Variants in CLCN6 observed in about 807,000 individuals in gnomAD.
The protein encoded by CLCN6 is Cl-/H+ antiporter 6.
CLCN6 carries 70 observed loss-of-function variants against 109.8 expected under a neutral mutation model. The ratio of observed to expected loss-of-function variants is 0.64; its 90% CI spans 0.53 to 0.78. The LOEUF (loss-of-function observed/expected upper bound fraction) is 0.78, where lower values mean the gene tolerates loss of function less well. Ranked by LOEUF, CLCN6 falls within the 30% of genes least tolerant of loss-of-function variation. The pLI is 0.00. For synonymous variants in CLCN6, 444 were observed against 447.8 expected, an observed-to-expected ratio of 0.99 and a Z score of 0.11; for missense variants, 984 against 1,142.3, an observed-to-expected ratio of 0.86 and a Z score of 2.00.
intron 9 of CLCN6, 45 bp from the exon 10 acceptor site, chr1:11,827,044 G>A: frequency 1.2e-6 from 2 of 1,603,892 alleles, no homozygotes; most frequent in South Asian, 2.2e-5. Flanking sequence ...CCTTTTGGGG[G>A]CTGGGGGCTC....
At position 11,809,111 on chromosome 1, in the gene CLCN6, G is replaced by A. The variant is rs780508040; in HGVS notation, c.147+1921G>A. On this transcript the variant is annotated intron_variant, in intron 2 of 22. Transcript: ENST00000346436. ...TCCTGACCTCAGGTGATACTGCTTC[G>A]GTCTCCCAGAGTGCTGGGATTACAG... 5.3e-5 allele frequency among the ~76,000 whole-genome samples: 8 copies of A among 152,022 alleles called. No individual in the cohort carries two copies. The East Asian group carries it at 5.8e-4, about 11-fold the overall frequency.
intron 13 of CLCN6, chr1:11,830,178 T>C (rs1167890100): frequency 6.6e-6 from 1 of 152,230 alleles, no homozygotes; most frequent in Non-Finnish European, 1.5e-5. Context: ...CTCCACGCTG[T>C]GTTCTTTCGG....
intron 2 of CLCN6, among the ~76,000 whole-genome samples, chr1:11,814,513 G>T (rs920915244): frequency 2.6e-5 from 4 of 152,092 alleles, no homozygotes; most frequent in African/African-American, 9.7e-5. Flanking sequence ...CTCCCAAAGT[G>T]CTGGGATTAC....
At chr1:11,808,379 C>CTA (rs1326126818) in intron 2 of CLCN6, among the ~76,000 whole-genome samples, 1 of 152,044 alleles carries the variant, frequency 6.6e-6, no homozygotes, top group African/African-American at 2.4e-5. Context: ...CAGTCATGAT[C>CTA]TACCATACCT....
intron 6 of CLCN6, among the ~76,000 whole-genome samples, chr1:11,823,477 CA>C (rs35345671): frequency 3.6e-3 from 507 of 142,486 alleles, no homozygotes; most frequent in African/African-American, 8.9e-3. Context: ...AACTCTACCT[CA>C]AAAAAAAAAA....
intron 2 of CLCN6, among the ~76,000 whole-genome samples, chr1:11,813,827 A>AT (rs1644634612): frequency 6.6e-6 from 1 of 152,182 alleles, no homozygotes; most frequent in Admixed American, 6.5e-5. Flanking sequence ...AATAATCCTA[A>AT]TTTTGTTTAA....
intron 20 of CLCN6, 50 bp downstream of exon 20, chr1:11,837,549 G>C (rs372874262): frequency 1.7e-5 from 27 of 1,582,322 alleles, no homozygotes; most frequent in Non-Finnish European, 2.2e-5. Flanking sequence ...GACGAAGCTC[G>C]AGGGGTTGGG....
At chr1:11,825,844 A>G (rs1644804527) in intron 8 of CLCN6, among the ~76,000 whole-genome samples, 1 of 152,208 alleles carries the variant, frequency 6.6e-6, no homozygotes, top group Non-Finnish European at 1.5e-5. Flanking sequence ...GTTGGTCTCC[A>G]ACTCCTGACC....
chr1:11,811,719 G>A (rs1177598378), intron 2 of CLCN6, among the ~76,000 whole-genome samples: 2 of 152,092 alleles, frequency 1.3e-5, no homozygotes, highest in East Asian at 3.9e-4. Flanking sequence ...TTCATCACCT[G>A]AGAGGAAACC....
intron 20 of CLCN6, among the ~76,000 whole-genome samples, chr1:11,838,003 C>T (rs1644971942): frequency 6.6e-6 from 1 of 152,180 alleles, no homozygotes; most frequent in African/African-American, 2.4e-5. Context: ...AGGACTTGGC[C>T]ATATCTTTTG....
Position 11,840,502 on chromosome 1 carries a change from C to T in CLCN6, c.*279C>T, listed in dbSNP as rs962070648. On this transcript the variant is annotated 3_prime_UTR_variant, in exon 23 of 23. Coordinates refer to ENST00000346436, the MANE Select transcript of CLCN6 (RefSeq NM_001286.5). ...GTTGGCACAGGCCCACCCCTGGCTCCACCAGAGCCAGAAGCAGAGGTAGAA... is the reference window on the plus strand; with the variant it reads ...GTTGGCACAGGCCCACCCCTGGCTCTACCAGAGCCAGAAGCAGAGGTAGAA... 46 of 520,344 alleles carry T rather than the reference C, an allele frequency of 8.8e-5. No individual in the cohort carries two copies. The Admixed American group carries it at 1.2e-3, about 14-fold the overall frequency. 32.2% of individuals were successfully genotyped at this position (520,344 alleles called of 1,614,324 possible).
intron 8 of CLCN6, among the ~76,000 whole-genome samples, chr1:11,825,064 A>G (rs551820988): frequency 1.3e-5 from 2 of 152,240 alleles, no homozygotes; most frequent in East Asian, 1.9e-4. Context: ...CCATCCTCAG[A>G]TGGGGAAACT....
intron 2 of CLCN6, among the ~76,000 whole-genome samples, chr1:11,811,349 A>G (rs573625995): frequency 1.3e-5 from 2 of 151,936 alleles, no homozygotes; most frequent in Admixed American, 6.6e-5. Context: ...AAAAATTAGT[A>G]TATTCACAGA....
rs913467852 is a variant in CLCN6 at position 11,816,144 on chromosome 1, A to G, written c.213+233A>G. Among the ~76,000 whole-genome samples the G allele has an allele frequency of 2.6e-5, 4 of 152,224 alleles. No individual in the cohort carries two copies. In the East Asian group the frequency reaches 7.7e-4, roughly 29 times the overall value. On this transcript the variant is annotated intron_variant, in intron 3 of 22. Transcript: ENST00000346436. ...TGTTGAGCAAGGTGCCATTTTTCCA[A>G]TAGCATGCATTTTGTTTGCATTTTT...
chr1:11,826,067 CTTT>C, intron 8 of CLCN6, 86 bp from the exon 9 acceptor site: 13 of 827,030 alleles, frequency 1.6e-5, no homozygotes, highest in South Asian at 3.6e-5. Flanking sequence ...GACCTGTGTT[CTTT>C]TTTTTTTTTC....
chr1:11,833,389 T>C, intron 13 of CLCN6, 126 bp from the exon 14 acceptor site: 1 of 847,046 alleles, frequency 1.2e-6, no homozygotes, highest in Non-Finnish European at 1.9e-6. Context: ...TAGAGGTCAG[T>C]TTTTGGCCTG....
chr1:11,816,551 T>C, intron 3 of CLCN6, 64 bp from the exon 4 acceptor site: 4 of 1,459,568 alleles, frequency 2.7e-6, no homozygotes, highest in Non-Finnish European at 3.8e-6. Flanking sequence ...TTGGCCAAGA[T>C]GTATTTCTTC....
intron 5 of CLCN6, chr1:11,820,640 G>A (rs1013052263): frequency 1.1e-4 from 34 of 323,694 alleles, no homozygotes; most frequent in South Asian, 4.4e-4. Context: ...GGCGGTGTGC[G>A]CCTGTAGTCC....
rs753494468 is a variant in CLCN6 at position 11,812,821 on chromosome 1, C to T, written c.148-3025C>T. On this transcript the variant is annotated intron_variant, in intron 2 of 22. Coordinates refer to ENST00000346436, the MANE Select transcript of CLCN6 (RefSeq NM_001286.5). ...AGCACAGGATGAGGCTCTTCTCTGCCGTTCCCTTATCTACCTAGAAACTGG... is the reference window on the plus strand; with the variant it reads ...AGCACAGGATGAGGCTCTTCTCTGCTGTTCCCTTATCTACCTAGAAACTGG... Among the ~76,000 whole-genome samples the T allele has an allele frequency of 5.9e-5, 9 of 152,108 alleles. No individual in the cohort carries two copies. The East Asian group carries it at 1.5e-3, about 26-fold the overall frequency.
Sources: gnomAD v4.1 joint callset for allele counts (sites outside exome capture counted in the v4.1 genomes callset) on GRCh38, gnomAD v4.1.1 for gene constraint, MANE v1.5 for transcripts, NCBI Gene and HGNC (gene_info 2026-07-23, HGNC 2026-07-21) for gene names.